Variants in CD8B2 observed in about 807,000 individuals in gnomAD.
CD8B2 encodes the protein CD8B family member 2.
Under a neutral mutation model 23.7 loss-of-function variants are expected in CD8B2, and 11 were observed. That is an observed-to-expected ratio of 0.46 (90% CI 0.29 to 0.77). The LOEUF (loss-of-function observed/expected upper bound fraction) is 0.77. Among genes scored for constraint, CD8B2 ranks in the 30% least tolerant of loss-of-function variants. CD8B2 has a pLI of 0.09. For synonymous variants in CD8B2, 90 were observed against 109.3 expected (o/e 0.82, Z 1.10); for missense variants, 197 against 270.5 (o/e 0.73, Z 1.91).
intron 5 of CD8B2, among the ~76,000 whole-genome samples, chr2:106,519,476 G>A (rs1433306505): frequency 2.6e-5 from 4 of 152,164 alleles, no homozygotes; most frequent in Non-Finnish European, 5.9e-5. Flanking sequence ...TAATATAAGG[G>A]AAGCGCCTTA....
At chr2:106,489,025 C>T (rs188196098) in intron 1 of CD8B2, among the ~76,000 whole-genome samples, 14 of 150,302 alleles carry the variant, frequency 9.3e-5, no homozygotes, top group Admixed American at 2.0e-4. Context: ...TTTTCCAAGA[C>T]GGAGTCTTGC....
downstream of CD8B2, among the ~76,000 whole-genome samples, chr2:106,513,729 A>AC: frequency 6.6e-6 from 1 of 152,002 alleles, no homozygotes; most frequent in South Asian, 2.1e-4. Context: ...CTCCACCCTT[A>AC]CCTCAGCCTC....
In CD8B2 at chr2:106,507,423, G is replaced by C. The variant is rs1451213432; in HGVS notation, c.*483G>C. On this transcript the variant is annotated 3_prime_UTR_variant, in exon 6 of 6. Coordinates refer to ENST00000643224, the MANE Select transcript of CD8B2 (RefSeq NM_001349727.2). ...AGGCCAGGTGCAGGTTGGGAATGAGGCTTGCTGAGAGGGGCTGTCCAGTTC... is the reference window on the plus strand; with the variant it reads ...AGGCCAGGTGCAGGTTGGGAATGAGCCTTGCTGAGAGGGGCTGTCCAGTTC... 1 of 985,970 alleles carries C rather than the reference G, an allele frequency of 1.0e-6. No individual in the cohort carries two copies. The highest frequency in any genetic ancestry group is 1.2e-6 in the Non-Finnish European group (1 of 830,360). 61.1% of individuals were successfully genotyped at this position (985,970 alleles called of 1,614,324 possible).
chr2:106,530,411 C>T (rs532546230), intron 5 of CD8B2, among the ~76,000 whole-genome samples: 2 of 152,282 alleles, frequency 1.3e-5, no homozygotes, highest in African/African-American at 2.4e-5. Flanking sequence ...GATGGAGTCT[C>T]GCTGTCGCCC....
chr2:106,501,993 T>G (rs1445819824), intron 3 of CD8B2, among the ~76,000 whole-genome samples: 1 of 152,074 alleles, frequency 6.6e-6, no homozygotes, highest in Non-Finnish European at 1.5e-5. Flanking sequence ...ATGTTTAAAG[T>G]GCTTACAAAG....
chr2:106,514,925 T>A (rs1229934230), downstream of CD8B2, among the ~76,000 whole-genome samples: 1 of 152,042 alleles, frequency 6.6e-6, no homozygotes, highest in East Asian at 1.9e-4. Flanking sequence ...TGTCACTGAG[T>A]GAGTAAAAAT....
rs368848741 is a variant in CD8B2 at position 106,508,929 on chromosome 2, A to AACAATTAAT, written c.*1989_*1990insACAATTAAT. 6.6e-6 allele frequency: 1 copy of AACAATTAAT among 151,692 alleles called. No homozygotes were observed. The highest frequency in any genetic ancestry group is 2.4e-5 in the African/African-American group (1 of 41,226). The allele number at this position is 151,692 out of a possible 1,614,324, so 9.4% of individuals were successfully genotyped here. A position where few individuals can be genotyped will look rare whatever the true frequency, so the allele number is the denominator to read the frequency against. ...TTTGGTGTACGTTAATTGGCCTTAG[A>AACAATTAAT]TGCCCTGCCCCCAGACCCAGGTGTT... On this transcript the variant is annotated 3_prime_UTR_variant, in exon 6 of 6. Transcript: ENST00000643224.
intron 5 of CD8B2, among the ~76,000 whole-genome samples, chr2:106,517,670 T>C: frequency 6.6e-6 from 1 of 151,990 alleles, no homozygotes; most frequent in Admixed American, 6.6e-5. Flanking sequence ...CTATAGTTTT[T>C]AATAACAGCA....
downstream of CD8B2, among the ~76,000 whole-genome samples, chr2:106,512,682 C>T (rs866921318): frequency 6.6e-6 from 1 of 152,100 alleles, no homozygotes; most frequent in East Asian, 1.9e-4. Context: ...TGAGCTCAAG[C>T]GATCCTCCCA....
At chr2:106,539,016 T>C (rs989915893) in intron 5 of CD8B2, among the ~76,000 whole-genome samples, 3 of 152,240 alleles carry the variant, frequency 2.0e-5, no homozygotes, top group Non-Finnish European at 4.4e-5. Context: ...TTCTTGCAGC[T>C]GGTGTGTGCT....
intron 5 of CD8B2, among the ~76,000 whole-genome samples, chr2:106,529,934 A>T (rs1679968524): frequency 6.6e-6 from 1 of 152,152 alleles, no homozygotes; most frequent in South Asian, 2.1e-4. Flanking sequence ...TTAGTGAAAA[A>T]CCATAGCAAA....
At chr2:106,542,577 C>A (rs1482711863) in intron 5 of CD8B2, among the ~76,000 whole-genome samples, 3 of 149,196 alleles carry the variant, frequency 2.0e-5, no homozygotes, top group African/African-American at 7.4e-5. Context: ...TTTGGGTAGA[C>A]CAGAAGGATG....
intron 5 of CD8B2, among the ~76,000 whole-genome samples, chr2:106,517,682 G>A (rs930355754): frequency 6.6e-6 from 1 of 151,562 alleles, no homozygotes; most frequent in Non-Finnish European, 1.5e-5. Flanking sequence ...ATAACAGCAC[G>A]CTTTGTTTAT....
downstream of CD8B2, among the ~76,000 whole-genome samples, chr2:106,512,736 T>C (rs1489843494): frequency 2.6e-5 from 4 of 152,192 alleles, no homozygotes; most frequent in African/African-American, 9.6e-5. Context: ...TGAGCCACCA[T>C]GCCCAATCCC....
intron 5 of CD8B2, among the ~76,000 whole-genome samples, chr2:106,518,308 G>C (rs1026632164): frequency 6.6e-6 from 1 of 152,178 alleles, no homozygotes; most frequent in Non-Finnish European, 1.5e-5. Flanking sequence ...GAGTTACAAA[G>C]CAATCAGTCA....
At chr2:106,514,986 C>G (rs1259522078), downstream of CD8B2, among the ~76,000 whole-genome samples, 3 of 152,234 alleles carry the variant, frequency 2.0e-5, no homozygotes, top group Non-Finnish European at 4.4e-5. Context: ...CAAGGGCACA[C>G]AGGTGTTGCT....
chr2:106,495,046 G>A (rs1457226556), intron 2 of CD8B2, among the ~76,000 whole-genome samples: 5 of 152,120 alleles, frequency 3.3e-5, no homozygotes, highest in East Asian at 1.9e-4. Flanking sequence ...AAGGCTGGGC[G>A]ATCCAGCCCT....
chr2:106,507,998 G>A lies in CD8B2; in HGVS notation c.*1058G>A, dbSNP rs888257721. 1.3e-5 allele frequency: 2 copies of A among 149,398 alleles called. No individual in the cohort carries two copies. The highest frequency in any genetic ancestry group is 6.7e-5 in the Admixed American group (1 of 14,860). The allele number at this position is 149,398 out of a possible 1,614,324, so 9.3% of individuals were successfully genotyped here. On this transcript the variant is annotated 3_prime_UTR_variant, in exon 6 of 6. Transcript: ENST00000643224. ...GGAGGCATGAGGGGTTCTGTCACAT[G>A]TCTCTTCATTTTCTTATTGATTCTT...
chr2:106,539,653 C>A (rs558457587), intron 5 of CD8B2, among the ~76,000 whole-genome samples: 6 of 152,290 alleles, frequency 3.9e-5, no homozygotes, highest in African/African-American at 1.4e-4. Context: ...TGGACCATAT[C>A]ATATTTATCA....
Sources: allele counts gnomAD v4.1 joint callset (sites outside exome capture counted in the v4.1 genomes callset), GRCh38; gene constraint gnomAD v4.1.1; transcripts MANE v1.5; gene names NCBI Gene and HGNC (gene_info 2026-07-23, HGNC 2026-07-21).